STX11: variants seen among roughly 807,000 people sequenced by gnomAD.
STX11 encodes the protein syntaxin 11.
In STX11, 21 loss-of-function variants were observed where a neutral mutation model predicts 19.9. The ratio of observed to expected loss-of-function variants is 1.06; its 90% CI spans 0.75 to 1.52. The LOEUF is 1.52. Among genes scored for constraint, STX11 ranks in the 40% most tolerant of loss-of-function variants. The probability of loss-of-function intolerance (pLI) is 0.00; values close to 1 mark genes in which losing one functional copy is unlikely to be tolerated. For missense variants in STX11, 438 were observed against 405.9 expected (o/e 1.08, Z -0.68); for synonymous variants, 193 against 174.4 (o/e 1.11, Z -0.84).
chr6:144,185,156 A>C (rs1801994611), intron 1 of STX11, among the ~76,000 whole-genome samples: 1 of 152,232 alleles, frequency 6.6e-6, no homozygotes, highest in Admixed American at 6.5e-5. Flanking sequence ...ATCATAGAAT[A>C]AAACTTCTGC....
Position 144,175,469 on chromosome 6 carries a change from G to A in STX11, c.-5-11154G>A, listed in dbSNP as rs58728276. 0.01 allele frequency among the ~76,000 whole-genome samples: 1,551 copies of A among 152,154 alleles called. 26 individuals are homozygous for A. The highest frequency in any genetic ancestry group is 0.035 in the African/African-American group (1,459 of 41,486). The stretch of plus-strand genomic sequence containing the variant: ...CTACAGGTATATGCCACCACGCCCA[G>A]CTGATTTTTGTATTTTCAGTAGAGA... On this transcript the variant is annotated intron_variant, in intron 1 of 1. Transcript: ENST00000367568. This position sits in a 1 kb window ranked among gnomAD's most constrained non-coding sequence, Gnocchi z 5.1.
At chr6:144,161,835 T>A (rs1046971079) in intron 1 of STX11, among the ~76,000 whole-genome samples, 1 of 152,222 alleles carries the variant, frequency 6.6e-6, no homozygotes, top group African/African-American at 2.4e-5. Context: ...TTCCTATTAT[T>A]TGGAATTTGA....
At chr6:144,186,222 T>A (rs922919953) in intron 1 of STX11, among the ~76,000 whole-genome samples, 3 of 148,576 alleles carry the variant, frequency 2.0e-5, no homozygotes, top group Non-Finnish European at 4.5e-5. Context: ...ATGTAAATGA[T>A]GAGTTAATGG....
chr6:144,149,546 G>A (rs974931138), upstream of STX11, among the ~76,000 whole-genome samples: 3 of 152,020 alleles, frequency 2.0e-5, no homozygotes, highest in African/African-American at 4.8e-5. The surrounding 1 kb of genome is among the most constrained non-coding windows in gnomAD (Gnocchi z 5.1). Context: ...GCGCGATCTC[G>A]GCTCACTGCA....
rs1437597110 is a variant in STX11, at chr6:144,174,897, T to C, written c.-5-11726T>C. Among the ~76,000 whole-genome samples, 1 of 151,832 alleles carries C rather than the reference T, an allele frequency of 6.6e-6. No individual in the cohort carries two copies. The highest frequency in any genetic ancestry group is 1.5e-5 in the Non-Finnish European group (1 of 67,940). ...TCTGTAATTACAGCACTTTGGGAGGTTGAGGCAGAGGGGATCACTTGTGCT... is the reference window on the plus strand; with the variant it reads ...TCTGTAATTACAGCACTTTGGGAGGCTGAGGCAGAGGGGATCACTTGTGCT... On this transcript the variant is annotated intron_variant, in intron 1 of 1. Coordinates refer to ENST00000367568, the MANE Select transcript of STX11 (RefSeq NM_003764.4). The surrounding 1 kb of genome is among the most constrained non-coding windows in gnomAD (Gnocchi z 5.3).
rs376341816 is a variant in STX11, at chr6:144,188,962, G to A, written c.*1471G>A. 3.3e-5 allele frequency among the ~76,000 whole-genome samples: 5 copies of A among 151,934 alleles called. No individual in the cohort carries two copies. Among genetic ancestry groups the A allele is most frequent in the Admixed American group, 6.6e-5 (1 of 15,242 alleles). ...AGGATGGTCTTGATCTCCTGACCTCGTGATCCGCCCGCCTCAGCCTCCCAT... is the reference window on the plus strand; with the variant it reads ...AGGATGGTCTTGATCTCCTGACCTCATGATCCGCCCGCCTCAGCCTCCCAT... On this transcript the variant is annotated 3_prime_UTR_variant, in exon 2 of 2. Transcript: ENST00000367568.
At chr6:144,161,118 C>G (rs1473089915) in intron 1 of STX11, among the ~76,000 whole-genome samples, 3 of 152,112 alleles carry the variant, frequency 2.0e-5, no homozygotes, top group Admixed American at 1.3e-4. Flanking sequence ...CACGGTAAAT[C>G]CAGTTGAATA....
In STX11 at chr6:144,184,313, C is replaced by T. The variant is rs1801977256; in HGVS notation, c.-5-2310C>T. Among the ~76,000 whole-genome samples, 1 of 152,206 alleles carries T rather than the reference C, an allele frequency of 6.6e-6. No homozygotes were observed. The highest frequency in any genetic ancestry group is 1.5e-5 in the Non-Finnish European group (1 of 68,038). On this transcript the variant is annotated intron_variant, in intron 1 of 1. Transcript: ENST00000367568. This position sits in a 1 kb window ranked among gnomAD's most constrained non-coding sequence, Gnocchi z 6.5. ...TGGTTGAACTAATTCACATTCCCAC[C>T]AACAGTGTAAAAGCATTCCTATTTC... is the stretch of plus-strand genomic sequence containing the variant.
chr6:144,170,085 T>C lies in STX11; in HGVS notation c.-5-16538T>C, dbSNP rs1801590153. Among the ~76,000 whole-genome samples, 1 of 152,242 alleles carries C rather than the reference T, an allele frequency of 6.6e-6. No individual in the cohort carries two copies. The highest frequency in any genetic ancestry group is 1.5e-5 in the Non-Finnish European group (1 of 68,032). On this transcript the variant is annotated intron_variant, in intron 1 of 1. Transcript: ENST00000367568. The surrounding 1 kb of genome is among the most constrained non-coding windows in gnomAD (Gnocchi z 4.7). ...ATATAAGGTGGTCATTCCAACACCA[T>C]ATTTTTCTGTCTGGTTTCTCCAATA...
chr6:144,155,350 G>T lies in STX11; in HGVS notation c.-6+4647G>T, dbSNP rs992319497. Among the ~76,000 whole-genome samples the T allele has an allele frequency of 1.3e-5, 2 of 152,138 alleles. No individual in the cohort carries two copies. Among genetic ancestry groups the T allele is most frequent in the African/African-American group, 4.8e-5 (2 of 41,420 alleles). On this transcript the variant is annotated intron_variant, in intron 1 of 1. Transcript: ENST00000367568. This position sits in a 1 kb window ranked among gnomAD's most constrained non-coding sequence, Gnocchi z 4.5. ...TGAGCCTGGGGGCAGCGGCAGGGGC[G>T]GGGGAGAATGTTCAAATGTCTAAAG...
Position 144,150,633 on chromosome 6 carries a change from CT to C in STX11, c.-75del. 1 of 985,434 alleles carries C rather than the reference CT, an allele frequency of 1.0e-6. No homozygotes were observed. Among genetic ancestry groups the C allele is most frequent in the Non-Finnish European group, 1.2e-6 (1 of 829,968 alleles). 61.0% of individuals were successfully genotyped at this position (985,434 alleles called of 1,614,324 possible). A position where few individuals can be genotyped will look rare whatever the true frequency, so the allele number is the denominator to read the frequency against. On this transcript the variant is annotated 5_prime_UTR_variant, in exon 1 of 2. Coordinates refer to ENST00000367568, the MANE Select transcript of STX11 (RefSeq NM_003764.4). ...GCGCAACAGGTTTCCTTCTCCATCG[CT>C]GCGCCCACAGGGGACGCGCGCCCTG...
In STX11 at chr6:144,180,784, A is replaced by AT. The variant is rs1554293642; in HGVS notation, c.-5-5838dup. On this transcript the variant is annotated intron_variant, in intron 1 of 1. Transcript: ENST00000367568. The surrounding 1 kb of genome is among the most constrained non-coding windows in gnomAD (Gnocchi z 5.3). ...CTGCTTTCTGAATTGTTCCTTCCTGATATGACAGAAAATTTTAAGATTCTA... is the reference window on the plus strand; with the variant it reads ...CTGCTTTCTGAATTGTTCCTTCCTGATTATGACAGAAAATTTTAAGATTCTA... Among the ~76,000 whole-genome samples the AT allele has an allele frequency of 6.6e-6, 1 of 152,208 alleles. No homozygotes were observed. Among genetic ancestry groups the AT allele is most frequent in the Non-Finnish European group, 1.5e-5 (1 of 68,032 alleles).
At chr6:144,142,188 T>C in the STX11 span, among the ~76,000 whole-genome samples, 3 of 151,984 alleles carry the variant, frequency 2.0e-5, no homozygotes, top group African/African-American at 7.3e-5. Context: ...TTAAATAATA[T>C]ACGACGATGT....
At position 144,177,987 on chromosome 6, in the gene STX11, G is replaced by A. The variant is rs1411535022; in HGVS notation, c.-5-8636G>A. On this transcript the variant is annotated intron_variant, in intron 1 of 1. Coordinates refer to ENST00000367568, the MANE Select transcript of STX11 (RefSeq NM_003764.4). The surrounding 1 kb of genome is among the most constrained non-coding windows in gnomAD (Gnocchi z 4.4). ...AGAAATTTGTGTGGGAAAGAAAGTA[G>A]TGATTCTAATGGTGACAGTATTTCC... Among the ~76,000 whole-genome samples, 1 of 152,190 alleles carries A rather than the reference G, an allele frequency of 6.6e-6. No homozygotes were observed. The highest frequency in any genetic ancestry group is 2.4e-5 in the African/African-American group (1 of 41,438).
the STX11 span, among the ~76,000 whole-genome samples, chr6:144,139,984 T>C: frequency 6.6e-6 from 1 of 151,668 alleles, no homozygotes; most frequent in African/African-American, 2.4e-5. Flanking sequence ...TTCAACACCC[T>C]GAGTGAGGCA....
upstream of STX11, among the ~76,000 whole-genome samples, chr6:144,148,274 A>T (rs781310317): frequency 7.9e-5 from 12 of 152,178 alleles, no homozygotes; most frequent in Non-Finnish European, 1.5e-4. Flanking sequence ...TATTTCTCCC[A>T]GAAGCCCAGC....
At chr6:144,157,851 AT>A (rs1024863791) in intron 1 of STX11, among the ~76,000 whole-genome samples, 1 of 152,100 alleles carries the variant, frequency 6.6e-6, no homozygotes, top group African/African-American at 2.4e-5. Flanking sequence ...ATTTTGTGAT[AT>A]TAGGGTTCCC....
In STX11 at chr6:144,169,723, T is replaced by C. The variant is rs1394293293; in HGVS notation, c.-5-16900T>C. On this transcript the variant is annotated intron_variant, in intron 1 of 1. Transcript: ENST00000367568. The surrounding 1 kb of genome is among the most constrained non-coding windows in gnomAD (Gnocchi z 5.2). ...TTCCTACCTATGAGGTCTTGCTCTG[T>C]CACCCAGGCTGGAGTGCAGTGGCAC... is the stretch of plus-strand genomic sequence containing the variant. Among the ~76,000 whole-genome samples the C allele has an allele frequency of 6.7e-6, 1 of 150,160 alleles. No individual in the cohort carries two copies. Among genetic ancestry groups the C allele is most frequent in the Non-Finnish European group, 1.5e-5 (1 of 67,492 alleles).
chr6:144,146,467 C>T (rs991362955), upstream of STX11, among the ~76,000 whole-genome samples: 1 of 152,180 alleles, frequency 6.6e-6, no homozygotes, highest in Non-Finnish European at 1.5e-5. This position sits in a 1 kb window ranked among gnomAD's most constrained non-coding sequence, Gnocchi z 4.4. Flanking sequence ...TATGTGCCAC[C>T]ATGCCCGGCT....
Sources: gnomAD v4.1 joint callset for allele counts (sites outside exome capture counted in the v4.1 genomes callset) on GRCh38, gnomAD v4.1.1 for gene constraint, Gnocchi (gnomAD v3.1) non-coding constraint, MANE v1.5 for transcripts, NCBI Gene and HGNC (gene_info 2026-07-23, HGNC 2026-07-21) for gene names.